Variants in EIF4G3 observed in about 807,000 individuals in gnomAD.
EIF4G3 encodes eIF-4-gamma 3.
A neutral mutation model predicts 186.4 loss-of-function variants in EIF4G3; 34 were observed. The ratio of observed to expected loss-of-function variants is 0.18; its 90% CI spans 0.14 to 0.24. EIF4G3 has a LOEUF of 0.24. Ranked by LOEUF, EIF4G3 falls within the 10% of genes least tolerant of loss-of-function variation. The pLI, the probability that EIF4G3 is intolerant of heterozygous loss-of-function variation, is 1.00. For synonymous variants in EIF4G3, 673 were observed against 679.5 expected (o/e 0.99, Z 0.15); for missense variants, 1,536 against 1,948.5 (o/e 0.79, Z 3.99).
At chr1:20,833,530 A>G (rs2065894241) in intron 30 of EIF4G3, among the ~76,000 whole-genome samples, 1 of 152,146 alleles carries the variant, frequency 6.6e-6, no homozygotes, top group South Asian at 2.1e-4. Flanking sequence ...GGTTTTCTAG[A>G]TATACAATCA....
chr1:21,055,976 G>A (rs1013301438), intron 3 of EIF4G3, among the ~76,000 whole-genome samples: 1 of 152,064 alleles, frequency 6.6e-6, no homozygotes, highest in Non-Finnish European at 1.5e-5. Context: ...GTATCCATTG[G>A]TTTGTCAGAA....
intron 2 of EIF4G3, among the ~76,000 whole-genome samples, chr1:21,166,256 TAAA>T (rs59903518): frequency 7.2e-6 from 1 of 139,192 alleles, no homozygotes. Context: ...CTGAGATCTC[TAAA>T]AAAAAAAAAA....
intron 12 of EIF4G3, among the ~76,000 whole-genome samples, chr1:20,966,043 A>T (rs1333362654): frequency 6.6e-6 from 1 of 152,046 alleles, no homozygotes; most frequent in East Asian, 1.9e-4. Flanking sequence ...GGTCTCTGGT[A>T]TCTGTGCTAC....
chr1:20,937,342 G>A (rs536579291), intron 14 of EIF4G3, among the ~76,000 whole-genome samples: 1 of 152,230 alleles, frequency 6.6e-6, no homozygotes, highest in Admixed American at 6.5e-5. Flanking sequence ...TGTAGCTTTA[G>A]GACATTAAAC....
At chr1:20,817,313 T>C in intron 34 of EIF4G3, 79 bp downstream of exon 34, 1 of 839,988 alleles carries the variant, frequency 1.2e-6, no homozygotes. Context: ...TGAAGTGAAC[T>C]GATAGGTAAG....
chr1:20,963,048 A>G (rs1390644387), intron 12 of EIF4G3, among the ~76,000 whole-genome samples: 3 of 151,570 alleles, frequency 2.0e-5, no homozygotes, highest in Non-Finnish European at 4.4e-5. Context: ...CACCATGTCC[A>G]GATTGCATAT....
intron 20 of EIF4G3, among the ~76,000 whole-genome samples, chr1:20,873,496 A>C (rs1036938164): frequency 6.6e-6 from 1 of 152,154 alleles, no homozygotes; most frequent in African/African-American, 2.4e-5. Flanking sequence ...CACGTTTGTA[A>C]ATATCTGGTA....
At chr1:21,069,745 T>C (rs1387419907) in intron 3 of EIF4G3, among the ~76,000 whole-genome samples, 1 of 152,114 alleles carries the variant, frequency 6.6e-6, no homozygotes, top group African/African-American at 2.4e-5. Flanking sequence ...AGACTGAGTC[T>C]AACTCGTAGG....
chr1:21,001,749 A>C (rs1489284623), intron 5 of EIF4G3, among the ~76,000 whole-genome samples: 1 of 152,222 alleles, frequency 6.6e-6, no homozygotes, highest in Admixed American at 6.5e-5. Context: ...GGAAAATAGA[A>C]AAAGGATAAG....
chr1:21,123,591 A>AG (rs2096967095), intron 2 of EIF4G3, among the ~76,000 whole-genome samples: 1 of 152,020 alleles, frequency 6.6e-6, no homozygotes, highest in African/African-American at 2.4e-5. Context: ...AGAAAAAAAA[A>AG]GTATTAATAG....
At chr1:20,975,400 A>C (rs77249656) in intron 10 of EIF4G3, among the ~76,000 whole-genome samples, 3 of 151,512 alleles carry the variant, frequency 2.0e-5, no homozygotes, top group Non-Finnish European at 2.9e-5. Context: ...AAAAAAAAAA[A>C]CCTGGATTCT....
chr1:21,163,786 T>C (rs1257330764), intron 2 of EIF4G3, among the ~76,000 whole-genome samples: 1 of 152,206 alleles, frequency 6.6e-6, no homozygotes, highest in Non-Finnish European at 1.5e-5. Context: ...TGTTTTGTTT[T>C]TTTGAGACAG....
At chr1:21,061,238 G>A (rs2094897587) in intron 3 of EIF4G3, among the ~76,000 whole-genome samples, 1 of 151,988 alleles carries the variant, frequency 6.6e-6, no homozygotes, top group Non-Finnish European at 1.5e-5. Flanking sequence ...TACCACTTCA[G>A]CAGCCCTAAT....
intron 18 of EIF4G3, among the ~76,000 whole-genome samples, chr1:20,888,625 T>C (rs1026896798): frequency 6.6e-6 from 1 of 152,134 alleles, no homozygotes; most frequent in East Asian, 1.9e-4. Flanking sequence ...AAAGTTACTA[T>C]AGGCAAGTCT....
chr1:20,837,908 C>T (rs932414282), intron 30 of EIF4G3, among the ~76,000 whole-genome samples: 5 of 152,196 alleles, frequency 3.3e-5, no homozygotes, highest in African/African-American at 1.2e-4. Flanking sequence ...ACAACTTTTA[C>T]ATGTCTTGGT....
At chr1:21,171,551 T>C (rs1056431012) in intron 2 of EIF4G3, among the ~76,000 whole-genome samples, 1 of 152,216 alleles carries the variant, frequency 6.6e-6, no homozygotes, top group Non-Finnish European at 1.5e-5. Context: ...GCTTTGCCTC[T>C]GCCTCTGCCC....
At chr1:21,043,670 T>G (rs551158056) in intron 4 of EIF4G3, among the ~76,000 whole-genome samples, 1 of 152,180 alleles carries the variant, frequency 6.6e-6, no homozygotes, top group African/African-American at 2.4e-5. Flanking sequence ...GGCAGGTGGG[T>G]TGCTTGAACT....
chr1:21,074,867 G>A (rs1030335213), intron 3 of EIF4G3, among the ~76,000 whole-genome samples: 1 of 152,162 alleles, frequency 6.6e-6, no homozygotes, highest in Non-Finnish European at 1.5e-5. Context: ...TTGAGCCCAG[G>A]AGTTCGAGAC....
intron 3 of EIF4G3, chr1:21,064,805 G>A (rs765049293): frequency 6.6e-6 from 1 of 152,050 alleles, no homozygotes; most frequent in Non-Finnish European, 1.5e-5. Context: ...TGTCCTTGTG[G>A]TCAGAAGCAG....
Sources: gnomAD v4.1 joint callset for allele counts (sites outside exome capture counted in the v4.1 genomes callset) on GRCh38, gnomAD v4.1.1 for gene constraint, MANE v1.5 for transcripts, NCBI Gene and HGNC (gene_info 2026-07-23, HGNC 2026-07-21) for gene names.